TRIP4: variants seen among roughly 807,000 people sequenced by gnomAD.
TRIP4 encodes thyroid hormone receptor interactor 4.
In TRIP4, 54 loss-of-function variants were observed where a neutral mutation model predicts 81.8. The observed-to-expected ratio is 0.66, with a 90% CI of 0.53 to 0.83. The LOEUF is 0.83. Ranked by LOEUF, TRIP4 falls within the 40% of genes least tolerant of loss-of-function variation. The pLI, the probability that TRIP4 is intolerant of heterozygous loss-of-function variation, is 0.00. For synonymous variants in TRIP4, 270 were observed against 242.8 expected (o/e 1.11, Z -1.04); for missense variants, 662 against 683.6 (o/e 0.97, Z 0.35).
At chr15:64,408,711 C>T (rs1891689798) in intron 6 of TRIP4, among the ~76,000 whole-genome samples, 1 of 152,096 alleles carries the variant, frequency 6.6e-6, no homozygotes, top group South Asian at 2.1e-4. Flanking sequence ...GGAGTAATCA[C>T]TCAACTTCTA....
At chr15:64,390,089 A>G (rs1350789440) in intron 1 of TRIP4, among the ~76,000 whole-genome samples, 1 of 147,826 alleles carries the variant, frequency 6.8e-6, no homozygotes, top group Non-Finnish European at 1.5e-5. Context: ...TATATTAAAT[A>G]TATTAAATAT....
intron 7 of TRIP4, among the ~76,000 whole-genome samples, chr15:64,411,840 T>C (rs1382845933): frequency 6.6e-6 from 1 of 152,028 alleles, no homozygotes; most frequent in Non-Finnish European, 1.5e-5. Flanking sequence ...CCACCACGCC[T>C]GGCTAATTTT....
rs758104400 is a variant in TRIP4, at chr15:64,425,561, A to G, written c.1505A>G (p.Tyr502Cys). ...RGKDVEFPND[Y>C]PSGCLLGCVD... ...TCAGATGTGGAATTTCCTAATGACTATCCGTCAGGTTGTCTTCTGGGCTGT... is the reference window on the plus strand; with the variant it reads ...TCAGATGTGGAATTTCCTAATGACTGTCCGTCAGGTTGTCTTCTGGGCTGT... The change falls in exon 11 of 13, where the codon TAT becomes TGT. Residue 502 changes from tyrosine to cysteine, a missense_variant. Physicochemically the swap from Tyr to Cys is radical, Grantham distance 194. Transcript: ENST00000261884. The G allele has an allele frequency of 8.7e-6, 14 of 1,611,890 alleles. No individual in the cohort carries two copies. The highest frequency in any genetic ancestry group is 4.5e-5 in the East Asian group (2 of 44,792).
intron 1 of TRIP4, 47 bp from the exon 2 acceptor site, chr15:64,393,899 A>G: frequency 6.8e-7 from 1 of 1,463,746 alleles, no homozygotes; most frequent in East Asian, 2.4e-5. Context: ...ACTGAGAAAC[A>G]GTGTAAGTTA....
At chr15:64,411,960 G>A (rs866685027) in intron 7 of TRIP4, among the ~76,000 whole-genome samples, 4 of 151,902 alleles carry the variant, frequency 2.6e-5, no homozygotes, top group Non-Finnish European at 2.9e-5. Flanking sequence ...GGATACAGGC[G>A]TGAACCACTG....
chr15:64,418,693 G>A lies in TRIP4; in HGVS notation c.1323G>A (p.Gln441=), dbSNP rs1891943018. 1 of 1,613,656 alleles carries A rather than the reference G, an allele frequency of 6.2e-7. No homozygotes were observed. The highest frequency in any genetic ancestry group is 1.1e-5 in the South Asian group (1 of 91,008). ...FDGGWCLSVH[Q]PWASLLVRGI... ...GTGGCTGGTGCCTCTCTGTACATCAGCCCTGGGCTTCTCTGCTTGTCAGAG... is the reference window on the plus strand; with the variant it reads ...GTGGCTGGTGCCTCTCTGTACATCAACCCTGGGCTTCTCTGCTTGTCAGAG... Residue 441 remains glutamine (Q), a synonymous_variant, in exon 9 of 13, where the codon CAG becomes CAA. Coordinates refer to ENST00000261884, the MANE Select transcript of TRIP4 (RefSeq NM_016213.5).
At position 64,443,868 on chromosome 15, in the gene TRIP4, A is replaced by C. The variant is rs933882777; in HGVS notation, c.1576-1138A>C. Among the ~76,000 whole-genome samples, 7 of 152,128 alleles carry C rather than the reference A, an allele frequency of 4.6e-5. No homozygotes were observed. The East Asian group carries it at 1.2e-3, about 25-fold the overall frequency. The stretch of plus-strand genomic sequence containing the variant: ...GAGACCCCATCTTTAAAAAAAAACA[A>C]AACAAAAACAAAGTACATGTCCCAC... On this transcript the variant is annotated intron_variant, in intron 11 of 12. Transcript: ENST00000261884.
rs145177359 is a variant in TRIP4, at chr15:64,435,259, C to T, written c.1575+9628C>T. Among the ~76,000 whole-genome samples, 962 of 145,376 alleles carry T rather than the reference C, an allele frequency of 6.6e-3. 8 individuals are homozygous for T. The highest frequency in any genetic ancestry group is 0.035 in the Middle Eastern group (9 of 254). On this transcript the variant is annotated intron_variant, in intron 11 of 12. Transcript: ENST00000261884. ...AAAAGATGCCGGGTGCAGTGGCTCA[C>T]GCCTGTAATCCCAGCACTTTGGGAG...
rs1196343841 is a variant in TRIP4, at chr15:64,400,829, G to A, written c.697+8G>A. On this transcript the variant is annotated splice_region_variant and intron_variant, in intron 5 of 12. Coordinates refer to ENST00000261884, the MANE Select transcript of TRIP4 (RefSeq NM_016213.5). ...TAAAGAAACTCATGTCAGGTAGACAGCAGTCTTGTAATTGGATCACTGGGA... is the reference window on the plus strand; with the variant it reads ...TAAAGAAACTCATGTCAGGTAGACAACAGTCTTGTAATTGGATCACTGGGA... 2 of 1,611,320 alleles carry A rather than the reference G, an allele frequency of 1.2e-6. No individual in the cohort carries two copies. The highest frequency in any genetic ancestry group is 1.3e-5 in the African/African-American group (1 of 74,884).
At chr15:64,424,762 C>T (rs1355705037) in intron 10 of TRIP4, among the ~76,000 whole-genome samples, 1 of 152,112 alleles carries the variant, frequency 6.6e-6, no homozygotes, top group Non-Finnish European at 1.5e-5. Context: ...GTTCATGCTT[C>T]CTTAAAAGCA....
At chr15:64,440,719 G>A (rs1892498033) in intron 11 of TRIP4, among the ~76,000 whole-genome samples, 1 of 152,054 alleles carries the variant, frequency 6.6e-6, no homozygotes, top group African/African-American at 2.4e-5. Context: ...GAGGCATGAT[G>A]GGTCCAAGGA....
At chr15:64,437,808 C>G (rs12905073) in intron 11 of TRIP4, among the ~76,000 whole-genome samples, 149,562 of 152,250 alleles carry the variant, frequency 0.98, 73,509 homozygotes, top group East Asian at 1. Context: ...TCATGTTTTA[C>G]GATTGTCCTG....
chr15:64,389,451 GT>G (rs1900051571), intron 1 of TRIP4, among the ~76,000 whole-genome samples: 1 of 152,070 alleles, frequency 6.6e-6, no homozygotes, highest in Non-Finnish European at 1.5e-5. Context: ...GGGCAACATA[GT>G]GAGACCCTGT....
chr15:64,403,870 G>A (rs1274054308), intron 5 of TRIP4, among the ~76,000 whole-genome samples: 1 of 152,012 alleles, frequency 6.6e-6, no homozygotes, highest in East Asian at 1.9e-4. Context: ...TTTGACACTT[G>A]AGATGTATTT....
chr15:64,418,352 T>C (rs1014797387), intron 8 of TRIP4, among the ~76,000 whole-genome samples, 189 bp from the exon 9 acceptor site: 2 of 152,222 alleles, frequency 1.3e-5, no homozygotes, highest in Non-Finnish European at 2.9e-5. Flanking sequence ...CCTCAAGTGA[T>C]CCACCCGCCT....
intron 9 of TRIP4, among the ~76,000 whole-genome samples, chr15:64,420,123 C>CTTTT (rs756319494): frequency 7.4e-6 from 1 of 135,972 alleles, no homozygotes; most frequent in Admixed American, 7.4e-5. Flanking sequence ...TTCTTTCTTT[C>CTTTT]TTTTTTTTTT....
chr15:64,396,887 T>C (rs1900310998), intron 3 of TRIP4, among the ~76,000 whole-genome samples: 1 of 152,226 alleles, frequency 6.6e-6, no homozygotes, highest in Non-Finnish European at 1.5e-5. Context: ...TCTAATTCTT[T>C]TGTATCTTTG....
intron 11 of TRIP4, among the ~76,000 whole-genome samples, chr15:64,429,197 A>G (rs917517931): frequency 6.6e-5 from 10 of 152,004 alleles, no homozygotes; most frequent in African/African-American, 2.2e-4. Flanking sequence ...GGAGCCTGTA[A>G]TCTCAGCTTC....
In TRIP4 at chr15:64,387,891, G is replaced by A. The variant is rs757317724; in HGVS notation, c.28G>A (p.Glu10Lys). MAVAGAVSG[E>K]PLVHWCTQQL... ...GGCGGTGGCTGGGGCGGTGTCCGGGGAGCCGCTGGTGCACTGGTGCACCCA... is the reference window on the plus strand; with the variant it reads ...GGCGGTGGCTGGGGCGGTGTCCGGGAAGCCGCTGGTGCACTGGTGCACCCA... Residue 10 changes from glutamate (E) to lysine (K), a missense_variant, in exon 1 of 13, where the codon GAG becomes AAG. Physicochemically the swap from Glu to Lys is moderately conservative, Grantham distance 56 (BLOSUM62 1). Transcript: ENST00000261884. 2 of 1,549,220 alleles carry A rather than the reference G, an allele frequency of 1.3e-6. No individual in the cohort carries two copies. Among genetic ancestry groups the A allele is most frequent in the Non-Finnish European group, 1.7e-6 (2 of 1,147,002 alleles).
Sources: allele counts gnomAD v4.1 joint callset (sites outside exome capture counted in the v4.1 genomes callset), GRCh38; gene constraint gnomAD v4.1.1; transcripts MANE v1.5; gene names NCBI Gene and HGNC (gene_info 2026-07-23, HGNC 2026-07-21).